RSF1: variants seen among roughly 807,000 people sequenced by gnomAD.
RSF1 encodes the protein remodeling and spacing factor 1, also known as HBV pX-associated protein 8.
Under a neutral mutation model 145.2 loss-of-function variants are expected in RSF1, and 13 were observed. The observed-to-expected ratio is 0.09, with a 90% confidence interval of 0.06 to 0.14. The LOEUF (loss-of-function observed/expected upper bound fraction) is 0.14, where lower values mean the gene tolerates loss of function less well. Ranked by LOEUF, RSF1 falls within the 10% of genes least tolerant of loss-of-function variation. The pLI is 1.00. For missense variants in RSF1, 1,517 were observed against 1,718.2 expected (o/e 0.88, Z 2.07); for synonymous variants, 577 against 592.6 (o/e 0.97, Z 0.38).
In RSF1 at chr11:77,702,188, C is replaced by T. The variant is rs780114893; in HGVS notation, c.1041G>A (p.Glu347=). 3.7e-6 allele frequency: 6 copies of T among 1,614,092 alleles called. No individual in the cohort carries two copies. The East Asian group carries it at 6.7e-5, about 18-fold the overall frequency. The change falls in exon 6 of 16, where the codon GAG becomes GAA. Residue 347 remains glutamate (E), a synonymous_variant. Transcript: ENST00000308488. ...TGCCACCAAATTCGATCCTTTCAGG[C>T]TCCTGTGCCACTGGCTTCTCCATGC... ...KSSMEKPVAQ[E]PERIEFGGNI...
At chr11:77,844,333 G>A in the RSF1 span, among the ~76,000 whole-genome samples, 2 of 152,148 alleles carry the variant, frequency 1.3e-5, no homozygotes, top group Non-Finnish European at 1.5e-5. Context: ...TAAGTCCATT[G>A]CAGCAAATTT....
At chr11:77,774,287 A>G (rs1156415640) in intron 1 of RSF1, among the ~76,000 whole-genome samples, 2 of 152,218 alleles carry the variant, frequency 1.3e-5, no homozygotes, top group African/African-American at 2.4e-5. Flanking sequence ...GCAATGTAAA[A>G]TATTTCTGCA....
chr11:77,678,171 A>T lies in RSF1; in HGVS notation c.3066-18T>A, dbSNP rs893219377. On this transcript the variant is annotated intron_variant, in intron 11 of 15. Transcript: ENST00000308488. Reference sequence around the variant, plus strand: ...CATCAAATCTAAAATATACACAATGATCACATTATAGCCTGTCCTGGCTTT... The same window carrying T: ...CATCAAATCTAAAATATACACAATGTTCACATTATAGCCTGTCCTGGCTTT... The T allele has an allele frequency of 5.4e-6, 8 of 1,475,494 alleles. No homozygotes were observed. Among genetic ancestry groups the T allele is most frequent in the Non-Finnish European group, 7.5e-6 (8 of 1,063,062 alleles). 91.4% of individuals were successfully genotyped at this position (1,475,494 alleles called of 1,614,324 possible). A position where few individuals can be genotyped will look rare whatever the true frequency, so the allele number is the denominator to read the frequency against.
intron 8 of RSF1, among the ~76,000 whole-genome samples, chr11:77,692,031 C>T (rs1054522419): frequency 6.6e-6 from 1 of 152,018 alleles, no homozygotes; most frequent in African/African-American, 2.4e-5. Context: ...GCAGGGATTA[C>T]AGGCGTGTGC....
intron 2 of RSF1, among the ~76,000 whole-genome samples, chr11:77,753,651 T>C (rs1474879654): frequency 6.6e-6 from 1 of 152,232 alleles, no homozygotes; most frequent in Non-Finnish European, 1.5e-5. Context: ...CCAAGGTAAC[T>C]CCTCTTCTTC....
chr11:77,871,587 A>G, the RSF1 span, among the ~76,000 whole-genome samples: 30 of 152,340 alleles, frequency 2.0e-4, no homozygotes, highest in African/African-American at 7.2e-4. Flanking sequence ...ACATGAGTCA[A>G]TTTCATCCTC....
intron 6 of RSF1, among the ~76,000 whole-genome samples, chr11:77,700,097 A>T (rs1018515743): frequency 6.6e-6 from 1 of 152,162 alleles, no homozygotes; most frequent in Non-Finnish European, 1.5e-5. Context: ...TCACGCCTGT[A>T]ATCCCAGCAC....
the RSF1 span, among the ~76,000 whole-genome samples, chr11:77,848,666 A>T: frequency 2.0e-5 from 3 of 152,180 alleles, no homozygotes; most frequent in Non-Finnish European, 2.9e-5. Context: ...GGCCAACCTC[A>T]TTCTTTATAG....
At chr11:77,819,570 A>C (rs1948821962) in intron 1 of RSF1, among the ~76,000 whole-genome samples, 1 of 152,224 alleles carries the variant, frequency 6.6e-6, no homozygotes, top group South Asian at 2.1e-4. Flanking sequence ...GACCAGCGGC[A>C]CCAGAGAGAG....
intron 1 of RSF1, chr11:77,813,444 A>C: frequency 8.2e-7 from 1 of 1,216,344 alleles, no homozygotes; most frequent in South Asian, 1.2e-5. Context: ...TCTGGAAAGG[A>C]TCCCACGTCT....
At chr11:77,805,585 C>CTAAAAAAATTCTTCT (rs1948669635) in intron 1 of RSF1, among the ~76,000 whole-genome samples, 1 of 152,056 alleles carries the variant, frequency 6.6e-6, no homozygotes, top group Non-Finnish European at 1.5e-5. Flanking sequence ...ATAAGGCACT[C>CTAAAAAAATTCTTCT]TAAAAAAATT....
intron 1 of RSF1, among the ~76,000 whole-genome samples, chr11:77,803,951 T>C (rs1024939735): frequency 2.0e-5 from 3 of 152,134 alleles, no homozygotes; most frequent in Non-Finnish European, 4.4e-5. Flanking sequence ...CATGGTAACA[T>C]GTGCCTGTAG....
chr11:77,753,610 A>G (rs1948086395), intron 2 of RSF1, among the ~76,000 whole-genome samples: 1 of 152,202 alleles, frequency 6.6e-6, no homozygotes, highest in Non-Finnish European at 1.5e-5. Context: ...CACATCAGCT[A>G]TCATTCATGT....
intron 14 of RSF1, 27 bp from the exon 15 acceptor site, chr11:77,672,257 T>C: frequency 1.9e-6 from 3 of 1,548,410 alleles, no homozygotes; most frequent in East Asian, 2.3e-5. Context: ...AAGAACAAAG[T>C]ACAAAATTTA....
At chr11:77,680,639 C>A (rs17135800) in intron 11 of RSF1, among the ~76,000 whole-genome samples, 27,191 of 152,118 alleles carry the variant, frequency 0.18, 3,060 homozygotes, top group African/African-American at 0.3. Flanking sequence ...AAAGGACTCA[C>A]AAATTTCAGA....
Position 77,667,056 on chromosome 11 carries a change from T to C in RSF1, c.4187A>G (p.Asp1396Gly), listed in dbSNP as rs1468767679. The C allele has an allele frequency of 1.2e-6, 2 of 1,614,116 alleles. No homozygotes were observed. The highest frequency in any genetic ancestry group is 1.1e-5 in the South Asian group (1 of 91,082). Residue 1396 changes from aspartate to glycine, a missense_variant, in exon 16 of 16, where the codon GAC becomes GGC. By Grantham distance (94) the Asp-to-Gly change is moderately conservative. This residue lies in a region of RSF1 where 240 missense variants were observed against 231.8 expected (regional missense o/e 1.04). Transcript: ENST00000308488. ...KPTEKSQTPK[D>G]NSTASASLAS... ...TAGGCTTGCACTGGCTGTGCTGTTG[T>C]CCTTGGGGGTCTGAGACTTCTCAGT...
At chr11:77,681,530 T>G (rs760936426) in intron 11 of RSF1, among the ~76,000 whole-genome samples, 1 of 152,174 alleles carries the variant, frequency 6.6e-6, no homozygotes, top group Non-Finnish European at 1.5e-5. Context: ...TCCTCCTGCC[T>G]CAGTCTCCCA....
intron 14 of RSF1, among the ~76,000 whole-genome samples, chr11:77,673,532 G>A (rs1959611015): frequency 6.6e-6 from 1 of 152,182 alleles, no homozygotes; most frequent in Admixed American, 6.5e-5. Context: ...CCACTGATCA[G>A]AATAAGAATC....
intron 1 of RSF1, among the ~76,000 whole-genome samples, chr11:77,772,559 CTA>C (rs1948296930): frequency 6.6e-6 from 1 of 151,964 alleles, no homozygotes; most frequent in Admixed American, 6.6e-5. Flanking sequence ...TTACTAAAAA[CTA>C]TGTTATATGT....
Sources: allele counts gnomAD v4.1 joint callset (sites outside exome capture counted in the v4.1 genomes callset), GRCh38; gene constraint gnomAD v4.1.1; regional missense constraint gnomAD v4.1.1; transcripts MANE v1.5; gene names NCBI Gene and HGNC (gene_info 2026-07-23, HGNC 2026-07-21).